Variants in PYGO1 observed in about 807,000 individuals in gnomAD.
PYGO1 encodes pygopus homolog 1.
Under a neutral mutation model 29.5 loss-of-function variants are expected in PYGO1, and 6 were observed. The observed-to-expected ratio is 0.20, with a 90% CI of 0.11 to 0.40. The LOEUF is 0.40. PYGO1 is among the 10% of genes least tolerant of loss of function. PYGO1 has a pLI of 1.00. For missense variants in PYGO1, 515 were observed against 514.9 expected, an observed-to-expected ratio of 1.00 and a Z score of 0.00; for synonymous variants, 186 against 180.5, an observed-to-expected ratio of 1.03 and a Z score of -0.24.
rs2141638260 is a variant in PYGO1 at position 55,542,085 on chromosome 15, C to T, written c.*3938G>A. The stretch of plus-strand genomic sequence containing the variant: ...ATACACGGCAGAAAGAAATCCAAAA[C>T]TCTTGAGAACTCCCTTTTAAAAAAT... On this transcript the variant is annotated 3_prime_UTR_variant, in exon 3 of 3. Transcript: ENST00000563719. The T allele has an allele frequency of 6.6e-6, 1 of 152,224 alleles. No individual in the cohort carries two copies. The highest frequency in any genetic ancestry group is 2.1e-4 in the South Asian group (1 of 4,826). The allele number at this position is 152,224 out of a possible 1,614,324, so 9.4% of individuals were successfully genotyped here. A position where few individuals can be genotyped will look rare whatever the true frequency, so the allele number is the denominator to read the frequency against.
At chr15:55,568,795 G>A (rs1377022929) in intron 1 of PYGO1, among the ~76,000 whole-genome samples, 2 of 152,026 alleles carry the variant, frequency 1.3e-5, no homozygotes, top group Non-Finnish European at 2.9e-5. Flanking sequence ...GGTTTTTATC[G>A]TGATAGGATG....
chr15:55,542,420 GAA>G lies in PYGO1; in HGVS notation c.*3601_*3602del, dbSNP rs2058831601. 1 of 152,118 alleles carries G rather than the reference GAA, an allele frequency of 6.6e-6. No homozygotes were observed. The highest frequency in any genetic ancestry group is 2.4e-5 in the African/African-American group (1 of 41,418). The allele number at this position is 152,118 out of a possible 1,614,324, so 9.4% of individuals were successfully genotyped here. ...TTTTATGTATATAACCTTCTAATTT[GAA>G]TAACAATTATAGCAGTACTCTAAAG... On this transcript the variant is annotated 3_prime_UTR_variant, in exon 3 of 3. Coordinates refer to ENST00000563719, the MANE Select transcript of PYGO1 (RefSeq NM_001367806.1).
chr15:55,572,647 T>A (rs1295252425), intron 1 of PYGO1, among the ~76,000 whole-genome samples: 1 of 152,014 alleles, frequency 6.6e-6, no homozygotes. Flanking sequence ...AAATCATATA[T>A]CTCTTAAGGA....
At position 55,587,094 on chromosome 15, in the gene PYGO1, TA is replaced by T. The variant is rs566042830; in HGVS notation, c.49+740del. Among the ~76,000 whole-genome samples, 27 of 152,354 alleles carry T rather than the reference TA, an allele frequency of 1.8e-4. No individual in the cohort carries two copies. The South Asian group carries it at 5.4e-3, about 30-fold the overall frequency. On this transcript the variant is annotated intron_variant, in intron 1 of 2. Transcript: ENST00000563719. ...TTTCAGTCTTAACCTTATTAAGAGC[TA>T]AAAGGCATCCCCCAATTTCCGGGTG...
At chr15:55,559,759 T>C (rs2058924213) in intron 1 of PYGO1, among the ~76,000 whole-genome samples, 1 of 152,086 alleles carries the variant, frequency 6.6e-6, no homozygotes. Context: ...AGGCTAATAT[T>C]CCTGATGAAC....
At chr15:55,579,536 G>A (rs189698105) in intron 1 of PYGO1, among the ~76,000 whole-genome samples, 103 of 151,824 alleles carry the variant, frequency 6.8e-4, no homozygotes, top group African/African-American at 2.3e-3. Flanking sequence ...TTTTATAAGC[G>A]ACTGGGTCTT....
chr15:55,563,611 A>G (rs962090664), intron 1 of PYGO1, among the ~76,000 whole-genome samples: 3 of 152,106 alleles, frequency 2.0e-5, no homozygotes, highest in Non-Finnish European at 4.4e-5. Flanking sequence ...CGGCCTCCCA[A>G]AGTGTTGGGA....
At chr15:55,558,050 G>C (rs958407459) in intron 1 of PYGO1, among the ~76,000 whole-genome samples, 1 of 152,188 alleles carries the variant, frequency 6.6e-6, no homozygotes, top group Non-Finnish European at 1.5e-5. Context: ...AAAAGAGGAA[G>C]TCAAATTGTC....
chr15:55,587,756 G>A, intron 1 of PYGO1, 79 bp downstream of exon 1: 16 of 1,429,884 alleles, frequency 1.1e-5, no homozygotes, highest in Non-Finnish European at 1.4e-5. Context: ...AGAGCCCCAT[G>A]GCCTCCCGGC....
rs1487547859 is a variant in PYGO1, at chr15:55,544,641, C to G, written c.*1382G>C. On this transcript the variant is annotated 3_prime_UTR_variant, in exon 3 of 3. Transcript: ENST00000563719. ...CATTGTTTCACTTGGGTTTAAATAA[C>G]AGTAATTATTTATCTCTTTCGTAGA... The G allele has an allele frequency of 1.3e-5, 2 of 152,114 alleles. No homozygotes were observed. The highest frequency in any genetic ancestry group is 2.1e-4 in the South Asian group (1 of 4,830). 9.4% of individuals were successfully genotyped at this position (152,114 alleles called of 1,614,324 possible). A position where few individuals can be genotyped will look rare whatever the true frequency, so the allele number is the denominator to read the frequency against.
chr15:55,560,766 G>A (rs906662542), intron 1 of PYGO1, among the ~76,000 whole-genome samples: 2 of 152,072 alleles, frequency 1.3e-5, no homozygotes, highest in African/African-American at 4.8e-5. Flanking sequence ...TTTGAGATCA[G>A]CCTGGCCAAC....
In PYGO1 at chr15:55,539,475, C is replaced by T. The variant is rs2058820121; in HGVS notation, c.*6548G>A. On this transcript the variant is annotated 3_prime_UTR_variant, in exon 3 of 3. Transcript: ENST00000563719. ...ACAATTTGGGGTAATCTAGTCATTT[C>T]ATACTTTATTTAAATTTTTCCACAA... 6.6e-6 allele frequency: 1 copy of T among 151,862 alleles called. No homozygotes were observed. The highest frequency in any genetic ancestry group is 1.5e-5 in the Non-Finnish European group (1 of 67,912). The allele number at this position is 151,862 out of a possible 1,614,324, so 9.4% of individuals were successfully genotyped here. A position where few individuals can be genotyped will look rare whatever the true frequency, so the allele number is the denominator to read the frequency against.
intron 1 of PYGO1, among the ~76,000 whole-genome samples, chr15:55,554,785 T>C (rs1331708610): frequency 2.0e-5 from 3 of 152,060 alleles, no homozygotes; most frequent in Admixed American, 6.6e-5. Flanking sequence ...AGCTTGAAGA[T>C]AATCATTCTG....
chr15:55,584,029 TATC>T (rs1358604467), intron 1 of PYGO1, among the ~76,000 whole-genome samples: 1 of 152,080 alleles, frequency 6.6e-6, no homozygotes, highest in African/African-American at 2.4e-5. Context: ...TCACAGCCCT[TATC>T]ATGCTATTTG....
intron 1 of PYGO1, among the ~76,000 whole-genome samples, chr15:55,587,295 G>C (rs2059051387): frequency 6.6e-6 from 1 of 151,606 alleles, no homozygotes; most frequent in South Asian, 2.1e-4. Context: ...TAAACCAACA[G>C]AGAAAATGCC....
chr15:55,573,373 G>A (rs1446969146), intron 1 of PYGO1, among the ~76,000 whole-genome samples: 1 of 152,066 alleles, frequency 6.6e-6, no homozygotes, highest in Non-Finnish European at 1.5e-5. Context: ...GGAAAGGGAA[G>A]CCTCATCCAC....
At chr15:55,552,341 A>G (rs934777421) in intron 1 of PYGO1, among the ~76,000 whole-genome samples, 2 of 147,638 alleles carry the variant, frequency 1.4e-5, no homozygotes, top group East Asian at 3.9e-4. Context: ...AGCCTGGGCA[A>G]AAGAGCGAGA....
rs1455150929 is a variant in PYGO1 at position 55,539,240 on chromosome 15, T to C, written c.*6783A>G. 6.6e-6 allele frequency: 1 copy of C among 152,172 alleles called. No individual in the cohort carries two copies. The highest frequency in any genetic ancestry group is 1.5e-5 in the Non-Finnish European group (1 of 68,004). 9.4% of individuals were successfully genotyped at this position (152,172 alleles called of 1,614,324 possible). A position where few individuals can be genotyped will look rare whatever the true frequency, so the allele number is the denominator to read the frequency against. ...AGGGAATGGGATCAGAAGACGCAAA[T>C]TGTGTTAAATATCTCAAAAAGAAAA... On this transcript the variant is annotated 3_prime_UTR_variant, in exon 3 of 3. Transcript: ENST00000563719.
At chr15:55,570,337 AAAG>A (rs2058975113) in intron 1 of PYGO1, among the ~76,000 whole-genome samples, 1 of 152,210 alleles carries the variant, frequency 6.6e-6, no homozygotes, top group African/African-American at 2.4e-5. Context: ...TCTTGGGGAA[AAAG>A]AAGCCTGCTT....
Sources: gnomAD v4.1 joint callset for allele counts (sites outside exome capture counted in the v4.1 genomes callset) on GRCh38, gnomAD v4.1.1 for gene constraint, MANE v1.5 for transcripts, NCBI Gene and HGNC (gene_info 2026-07-23, HGNC 2026-07-21) for gene names.